The following TM6SF2 variants were observed in gnomAD, a reference collection of about 807,000 sequenced individuals.
TM6SF2 encodes the protein transmembrane 6 superfamily member 2.
In TM6SF2, 29 loss-of-function variants were observed where a neutral mutation model predicts 41.0. The ratio of observed to expected loss-of-function variants is 0.71; its 90% CI spans 0.53 to 0.96. TM6SF2 has a LOEUF of 0.96. Ranked by LOEUF, TM6SF2 falls within the 50% of genes least tolerant of loss-of-function variation. TM6SF2 has a pLI of 0.00. For synonymous variants in TM6SF2, 200 were observed against 209.1 expected, an observed-to-expected ratio of 0.96 and a Z score of 0.37; for missense variants, 475 against 499.0, an observed-to-expected ratio of 0.95 and a Z score of 0.46.
rs548804768 is a variant in TM6SF2, at chr19:19,265,360, TTCTATCTATCTA to T, written c.925-499_925-488del. On this transcript the variant is annotated intron_variant, in intron 9 of 9. Transcript: ENST00000389363. Reference sequence around the variant, plus strand: ...ACCATGCCTGGCCTATTTTTAAAATTTCTATCTATCTATCTATCTATCTATCTATCTATCTAT... The same window carrying T: ...ACCATGCCTGGCCTATTTTTAAAATTTCTATCTATCTATCTATCTATCTAT... 3.4e-4 allele frequency among the ~76,000 whole-genome samples: 48 copies of T among 140,502 alleles called. 1 individual carries two copies. Among genetic ancestry groups the T allele is most frequent in the South Asian group, 2.5e-3 (11 of 4,340 alleles). 92.2% of individuals were successfully genotyped at this position (140,502 alleles called of 152,430 possible). A position where few individuals can be genotyped will look rare whatever the true frequency, so the allele number is the denominator to read the frequency against.
rs775787345 is a variant in TM6SF2 at position 19,270,335 on chromosome 19, C to T, written c.297+10G>A. 2 of 1,614,026 alleles carry T rather than the reference C, an allele frequency of 1.2e-6. No individual in the cohort carries two copies. Among genetic ancestry groups the T allele is most frequent in the East Asian group, 2.2e-5 (1 of 44,804 alleles). On this transcript the variant is annotated intron_variant, in intron 3 of 9. Transcript: ENST00000389363. ...TGCGGTAGGGGGCTCCCTGGTCGTC[C>T]CCCAAGTACCTCCTTGGTGTAGAAC...
At chr19:19,272,992 C>A in intron 1 of TM6SF2, 129 bp downstream of exon 1, 1 of 691,006 alleles carries the variant, frequency 1.4e-6, no homozygotes, top group Non-Finnish European at 2.2e-6. Context: ...CGGAGCTGAG[C>A]TGGGGCGCAG....
At chr19:19,270,463 G>C (rs191420244) in intron 2 of TM6SF2, 21 bp from the exon 3 acceptor site, 1 of 1,596,846 alleles carries the variant, frequency 6.3e-7, no homozygotes, top group African/African-American at 1.3e-5. Flanking sequence ...TGGGCGGGCC[G>C]GGTCAGGTGT....
rs1412648831 is a variant in TM6SF2, at chr19:19,269,716, A to G, written c.455T>C (p.Ile152Thr). 1.2e-6 allele frequency: 2 copies of G among 1,614,056 alleles called. No homozygotes were observed. Among genetic ancestry groups the G allele is most frequent in the Non-Finnish European group, 1.7e-6 (2 of 1,180,034 alleles). The change falls in exon 5 of 10, where the codon ATC (isoleucine) becomes ACC (threonine). Residue 152 changes from isoleucine (I) to threonine (T), a missense_variant. Coordinates refer to ENST00000389363, the MANE Select transcript of TM6SF2 (RefSeq NM_001001524.3). ...LYWLGSFAMS[I>T]LVFLTGNILG... is the part of the protein sequence containing the mutation. ...AATGTTTCCTGTAAGGAACACCAGG[A>G]TGCTCATGGCGAAGGAACCCAGCCA... is the stretch of plus-strand genomic sequence containing the variant.
At chr19:19,268,208 C>CTTTTTTTT (rs536426725) in intron 6 of TM6SF2, 121 bp from the exon 7 acceptor site, 1 of 485,848 alleles carries the variant, frequency 2.1e-6, no homozygotes, top group Non-Finnish European at 3.5e-6. Flanking sequence ...TTTCTTTTTT[C>CTTTTTTTT]TTTTTTTTTT....
chr19:19,270,961 G>A, intron 2 of TM6SF2, 61 bp downstream of exon 2: 3 of 1,426,298 alleles, frequency 2.1e-6, no homozygotes, highest in Non-Finnish European at 9.9e-7. Flanking sequence ...TGGCCCCCAA[G>A]TCTGAGGGTG....
intron 6 of TM6SF2, 114 bp from the exon 7 acceptor site, chr19:19,268,201 C>CTTTTTTTT: frequency 1.5e-6 from 1 of 670,422 alleles, no homozygotes. Flanking sequence ...TCTTTTTTTT[C>CTTTTTTTT]TTTTTTCTTT....
rs775024557 is a variant in TM6SF2 at position 19,264,792 on chromosome 19, A to T, written c.1006T>A (p.Phe336Ile). 4 of 1,609,584 alleles carry T rather than the reference A, an allele frequency of 2.5e-6. No individual in the cohort carries two copies. The highest frequency in any genetic ancestry group is 3.4e-6 in the Non-Finnish European group (4 of 1,178,168). ...YRVPEDTWGCFFVCNLLYALG... is the reference protein window; with the variant it reads ...YRVPEDTWGCIFVCNLLYALG... ...GCATACAGCAGATTGCACACGAAGA[A>T]GCAGCCCCAGGTGTCCTCAGGCACA... The change falls in exon 10 of 10, where the codon TTC becomes ATC. Residue 336 changes from phenylalanine (F) to isoleucine (I), a missense_variant. Coordinates refer to ENST00000389363, the MANE Select transcript of TM6SF2 (RefSeq NM_001001524.3).
chr19:19,270,989 A>T lies in TM6SF2; in HGVS notation c.199+33T>A, dbSNP rs2061021815. 3.2e-6 allele frequency: 5 copies of T among 1,586,796 alleles called. No individual in the cohort carries two copies. In the South Asian group the frequency reaches 5.5e-5, roughly 18 times the overall value. On this transcript the variant is annotated intron_variant, in intron 2 of 9. Coordinates refer to ENST00000389363, the MANE Select transcript of TM6SF2 (RefSeq NM_001001524.3). ...TGAGGGTGGAGGCCCTTGCCTGGACAGTCTTCTTCCCCACAGCTTCCCACT... is the reference window on the plus strand; with the variant it reads ...TGAGGGTGGAGGCCCTTGCCTGGACTGTCTTCTTCCCCACAGCTTCCCACT...
At chr19:19,267,958 A>AGGGGGAGACCAACC (rs538850519) in intron 7 of TM6SF2, 28 bp downstream of exon 7, 69,302 of 1,543,846 alleles carry the variant, frequency 0.045, 1,911 homozygotes, top group Middle Eastern at 0.06. Context: ...GTGGCAGGGG[A>AGGGGGAGACCAACC]GGGGGAGACC....
chr19:19,273,061 T>TTGGCCCCCCC, intron 1 of TM6SF2, 60 bp downstream of exon 1: 1 of 305,470 alleles, frequency 3.3e-6, no homozygotes, highest in Non-Finnish European at 6.1e-6. Context: ...CCTCCAGTCC[T>TTGGCCCCCCC]CCCCGCCCCC....
At position 19,264,687 on chromosome 19, in the gene TM6SF2, C is replaced by T. The variant is rs1568610704; in HGVS notation, c.1111G>A (p.Ala371Thr). ...TCTCAATGCTGCTTCTTGTGGAGGG[C>T]TAGGGGGTCGGAGGGTGGTGGCTGG... ...FHQPPPSDPL[A>T]LHKKQH The change falls in exon 10 of 10, where the codon GCC (alanine) becomes ACC (threonine). Residue 371 changes from alanine to threonine, a missense_variant. Ala to Thr is a moderately conservative substitution (Grantham distance 58, BLOSUM62 0). Around this residue, in one of 3 missense-constraint regions of TM6SF2, gnomAD observed 190 missense variants for 190.2 expected, o/e 1.00. Coordinates refer to ENST00000389363, the MANE Select transcript of TM6SF2 (RefSeq NM_001001524.3). 6.4e-7 allele frequency: 1 copy of T among 1,555,124 alleles called. No homozygotes were observed. The highest frequency in any genetic ancestry group is 1.8e-5 in the Admixed American group (1 of 54,396).
At chr19:19,271,711 A>G (rs2061024644) in intron 1 of TM6SF2, among the ~76,000 whole-genome samples, 1 of 151,912 alleles carries the variant, frequency 6.6e-6, no homozygotes, top group Admixed American at 6.6e-5. Context: ...TTGTATTTTT[A>G]GTAGAGACGG....
intron 7 of TM6SF2, 111 bp from the exon 8 acceptor site, chr19:19,267,824 TTGGGCTGGC>T: frequency 8.5e-7 from 1 of 1,170,132 alleles, no homozygotes; most frequent in South Asian, 1.4e-5. Context: ...CCAGCTCAAG[TTGGGCTGGC>T]TGGGAGAAAT....
At chr19:19,268,815 T>A in intron 5 of TM6SF2, 61 bp from the exon 6 acceptor site, 2 of 1,515,582 alleles carry the variant, frequency 1.3e-6, no homozygotes, top group Non-Finnish European at 1.8e-6. Flanking sequence ...CATCTGTTTG[T>A]TTGTTTGTTC....
intron 2 of TM6SF2, 97 bp from the exon 3 acceptor site, chr19:19,270,539 A>G: frequency 7.0e-7 from 1 of 1,438,494 alleles, no homozygotes; most frequent in Non-Finnish European, 9.4e-7. Flanking sequence ...AAGGTCAGGG[A>G]TGAGATTATT....
chr19:19,273,029 C>A (rs903228452), intron 1 of TM6SF2, 92 bp downstream of exon 1: 1 of 1,048,756 alleles, frequency 9.5e-7, no homozygotes, highest in African/African-American at 1.7e-5. Context: ...GTCCGCGGAC[C>A]GCGCATCCTC....
At chr19:19,270,048 G>A (rs1158405815) in intron 4 of TM6SF2, 125 bp downstream of exon 4, 1 of 1,537,736 alleles carries the variant, frequency 6.5e-7, no homozygotes. Flanking sequence ...CCCCTGGCTG[G>A]AGCCCTAGAG....
At chr19:19,268,156 A>G in intron 6 of TM6SF2, 69 bp from the exon 7 acceptor site, 1 of 1,073,982 alleles carries the variant, frequency 9.3e-7, no homozygotes, top group Non-Finnish European at 1.4e-6. Context: ...GGTACTCAAT[A>G]AAGGTTCCTA....
Sources: allele counts gnomAD v4.1 joint callset (sites outside exome capture counted in the v4.1 genomes callset), GRCh38; gene constraint gnomAD v4.1.1; regional missense constraint gnomAD v4.1.1; transcripts MANE v1.5; gene names NCBI Gene and HGNC (gene_info 2026-07-23, HGNC 2026-07-21).